Variants in JAKMIP3 observed in about 807,000 individuals in gnomAD.
The protein encoded by JAKMIP3 is Janus kinase and microtubule interacting protein 3, also known as janus kinase and microtubule-interacting protein 3.
In JAKMIP3, 58 loss-of-function variants were observed where a neutral mutation model predicts 118.5. That is an observed-to-expected ratio of 0.49 (90% CI 0.40 to 0.61). The LOEUF (loss-of-function observed/expected upper bound fraction) is 0.61. Ranked by LOEUF, JAKMIP3 falls within the 20% of genes least tolerant of loss-of-function variation. JAKMIP3 has a pLI of 0.00. For synonymous variants in JAKMIP3, 486 were observed against 451.2 expected (o/e 1.08, Z -0.98); for missense variants, 950 against 1,109.0 (o/e 0.86, Z 2.04).
intron 1 of JAKMIP3, among the ~76,000 whole-genome samples, chr10:132,066,481 C>CT (rs2038796136): frequency 6.6e-6 from 1 of 152,164 alleles, no homozygotes; most frequent in African/African-American, 2.4e-5. Context: ...TCTGCACAGC[C>CT]CGGGAGGCCT....
chr10:132,088,670 T>C (rs1379005002), intron 1 of JAKMIP3, among the ~76,000 whole-genome samples: 2 of 152,246 alleles, frequency 1.3e-5, no homozygotes, highest in Non-Finnish European at 2.9e-5. Context: ...CAGTTCACTC[T>C]GATGGTAGTT....
rs1347001720 is a variant in JAKMIP3, at chr10:132,180,714, T to TGTGC, written c.*1104-1640_*1104-1639insCGTG. Among the ~76,000 whole-genome samples, 958 of 26,586 alleles carry TGTGC rather than the reference T, an allele frequency of 0.036. 177 individuals carry two copies. In the East Asian group the frequency reaches 0.41, roughly 11 times the overall value. 17.4% of individuals were successfully genotyped at this position (26,586 alleles called of 152,430 possible). ...GTGCGTGCGTGTGTGTGTGCGCGTG[T>TGTGC]GTGTGCGTGTGTGTGCGTGTGTGCG... On this transcript the variant is annotated intron_variant, in intron 23 of 23. Coordinates refer to ENST00000684848, the MANE Select transcript of JAKMIP3 (RefSeq NM_001323087.2).
chr10:132,093,931 A>ATTTTTTTTT (rs35838926), intron 1 of JAKMIP3, among the ~76,000 whole-genome samples: 2 of 103,622 alleles, frequency 1.9e-5, no homozygotes, highest in African/African-American at 4.1e-5. Flanking sequence ...TCTTGTATCT[A>ATTTTTTTTT]TTTTTTTTTT....
chr10:132,142,154 C>T (rs1348830336), intron 11 of JAKMIP3, 106 bp downstream of exon 11: 26 of 1,233,154 alleles, frequency 2.1e-5, no homozygotes, highest in Middle Eastern at 2.7e-4. Flanking sequence ...GGGCCCGGGC[C>T]CCTCCTCTCC....
At chr10:132,116,978 AGT>A (rs1276925462) in intron 2 of JAKMIP3, 97 bp from the exon 3 acceptor site, 4 of 1,330,652 alleles carry the variant, frequency 3.0e-6, no homozygotes, top group African/African-American at 3.0e-5. Flanking sequence ...TTCAGGTGTG[AGT>A]GTGTGCAACG....
At chr10:132,172,941 C>T (rs943874340) in intron 23 of JAKMIP3, among the ~76,000 whole-genome samples, 2 of 150,592 alleles carry the variant, frequency 1.3e-5, no homozygotes, top group African/African-American at 4.9e-5. Context: ...CGCCTTCCCT[C>T]TCTACTTCCT....
At chr10:132,140,287 C>T (rs1013025922) in intron 9 of JAKMIP3, among the ~76,000 whole-genome samples, 164 bp from the exon 10 acceptor site, 2 of 152,190 alleles carry the variant, frequency 1.3e-5, no homozygotes, top group South Asian at 4.1e-4. Context: ...ATAGAGCGCC[C>T]CTCACACCCA....
chr10:132,152,493 C>G (rs2056388340), intron 16 of JAKMIP3, among the ~76,000 whole-genome samples: 1 of 152,220 alleles, frequency 6.6e-6, no homozygotes, highest in African/African-American at 2.4e-5. Flanking sequence ...AGAGACAAAA[C>G]CTTCCAGGGA....
chr10:132,134,918 C>A (rs1285565669), intron 4 of JAKMIP3, 123 bp from the exon 5 acceptor site: 2 of 1,233,930 alleles, frequency 1.6e-6, no homozygotes, highest in East Asian at 2.6e-5. Context: ...TTCCCGGCAG[C>A]CGCGTGGAGG....
Position 132,117,369 on chromosome 10 carries a change from C to T in JAKMIP3, c.428C>T (p.Ala143Val). Residue 143 changes from alanine to valine, a missense_variant, in exon 3 of 24, where the codon GCC (alanine) becomes GTC (valine). Physicochemically the swap from Ala to Val is moderately conservative, Grantham distance 64 (BLOSUM62 0). Transcript: ENST00000684848. The surrounding 1 kb of genome is among the most constrained non-coding windows in gnomAD (Gnocchi z 8.6). ...CTGCTGTCCGAGGCCAAGGAGGAGG[C>T]CAAGAAGGGGTTCGAGGTGGAGAAG... ...TVLLSEAKEE[A>V]KKGFEVEKVK... The T allele has an allele frequency of 6.2e-7, 1 of 1,613,928 alleles. No individual in the cohort carries two copies. Among genetic ancestry groups the T allele is most frequent in the South Asian group, 1.1e-5 (1 of 91,066 alleles).
intron 1 of JAKMIP3, among the ~76,000 whole-genome samples, chr10:132,072,939 T>C (rs889887723): frequency 6.6e-6 from 1 of 152,166 alleles, no homozygotes; most frequent in Non-Finnish European, 1.5e-5. Flanking sequence ...CTCCAGTATC[T>C]GTTCCACTCT....
Position 132,173,387 on chromosome 10 carries a change from C to T in JAKMIP3, c.*1103+4354C>T, listed in dbSNP as rs577466348. Reference sequence around the variant, plus strand: ...GCTTGCTGTCTGCAATGTACCTGCTCATCTGTGCGGCCCTGGCATACACCC... The same window carrying T: ...GCTTGCTGTCTGCAATGTACCTGCTTATCTGTGCGGCCCTGGCATACACCC... On this transcript the variant is annotated intron_variant, in intron 23 of 23. Coordinates refer to ENST00000684848, the MANE Select transcript of JAKMIP3 (RefSeq NM_001323087.2). Among the ~76,000 whole-genome samples the T allele has an allele frequency of 3.3e-5, 5 of 151,300 alleles. No homozygotes were observed. In the South Asian group the frequency reaches 6.3e-4, roughly 19 times the overall value.
At chr10:132,157,153 G>A (rs1210352768) in intron 19 of JAKMIP3, among the ~76,000 whole-genome samples, 2 of 152,170 alleles carry the variant, frequency 1.3e-5, no homozygotes, top group East Asian at 3.9e-4. Flanking sequence ...TCCCGTTCCT[G>A]TTCTCTGGAC....
chr10:132,174,760 G>T (rs905146557), intron 23 of JAKMIP3, among the ~76,000 whole-genome samples: 1 of 152,154 alleles, frequency 6.6e-6, no homozygotes, highest in African/African-American at 2.4e-5. Context: ...CACACGCAAC[G>T]TCTTCACAGG....
At chr10:132,055,916 T>C (rs917159591) in intron 1 of JAKMIP3, among the ~76,000 whole-genome samples, 2 of 152,154 alleles carry the variant, frequency 1.3e-5, no homozygotes, top group Non-Finnish European at 2.9e-5. Flanking sequence ...GAAGAGGAAT[T>C]CCAGCTGTCA....
chr10:132,080,008 C>T (rs552803924), intron 1 of JAKMIP3, among the ~76,000 whole-genome samples: 1 of 152,202 alleles, frequency 6.6e-6, no homozygotes, highest in Non-Finnish European at 1.5e-5. Context: ...CCAGACCCCG[C>T]TTTCAATTCT....
At chr10:132,150,599 C>T (rs550453762) in intron 16 of JAKMIP3, among the ~76,000 whole-genome samples, 1 of 151,612 alleles carries the variant, frequency 6.6e-6, no homozygotes. Context: ...CATTCATGCT[C>T]TGTCTTATAT....
At chr10:132,122,654 C>T (rs961158598) in intron 3 of JAKMIP3, among the ~76,000 whole-genome samples, 1 of 152,172 alleles carries the variant, frequency 6.6e-6, no homozygotes, top group African/African-American at 2.4e-5. Context: ...GAGAGGAAGC[C>T]AGATGGAGGG....
In JAKMIP3 at chr10:132,167,015, T is replaced by G. The variant is rs1377900341; in HGVS notation, c.2523T>G (p.Ala841=). The G allele has an allele frequency of 6.5e-7, 1 of 1,550,312 alleles. No individual in the cohort carries two copies. The highest frequency in any genetic ancestry group is 2.4e-5 in the East Asian group (1 of 40,916). Residue 841 remains alanine (A), a synonymous_variant, in exon 22 of 24, where the codon GCT becomes GCG. Transcript: ENST00000684848. The part of the protein sequence containing the change: ...FLFLFLFFSL[A]FILWS ...TTTTGTTCTTATTTTTCTCCTTAGC[T>G]TTCATTCTCTGGTCATAGTCCGTCT...
Sources: gnomAD v4.1 joint callset for allele counts (sites outside exome capture counted in the v4.1 genomes callset) on GRCh38, gnomAD v4.1.1 for gene constraint, Gnocchi (gnomAD v3.1) non-coding constraint, MANE v1.5 for transcripts, NCBI Gene and HGNC (gene_info 2026-07-23, HGNC 2026-07-21) for gene names.